Variants in VGLL4 observed in about 807,000 individuals in gnomAD.
VGLL4 encodes transcription cofactor vestigial-like protein 4.
In VGLL4, 7 loss-of-function variants were observed where a neutral mutation model predicts 21.0. The observed-to-expected ratio is 0.33, with a 90% confidence interval of 0.19 to 0.63. VGLL4 has a LOEUF of 0.63. VGLL4 is among the 20% of genes least tolerant of loss of function. The pLI is 0.78. For synonymous variants in VGLL4, 222 were observed against 173.2 expected (o/e 1.28, Z -2.21); for missense variants, 394 against 425.7 (o/e 0.93, Z 0.66).
chr3:11,593,305 A>G (rs983554769), intron 2 of VGLL4, among the ~76,000 whole-genome samples: 1 of 152,180 alleles, frequency 6.6e-6, no homozygotes, highest in African/African-American at 2.4e-5. Context: ...ACCAAAAACT[A>G]CAGATACTGC....
intron 1 of VGLL4, among the ~76,000 whole-genome samples, chr3:11,712,870 C>T (rs1202161188): frequency 2.0e-5 from 3 of 152,128 alleles, no homozygotes; most frequent in African/African-American, 4.8e-5. Flanking sequence ...GTCAGGAACA[C>T]GCAAACCATG....
At chr3:11,671,201 A>C in intron 2 of VGLL4, 2 of 1,531,062 alleles carry the variant, frequency 1.3e-6, no homozygotes, top group Non-Finnish European at 1.8e-6. Flanking sequence ...TTTGCAAATT[A>C]ATTAATTTCA....
rs1039871067 is a variant in VGLL4, at chr3:11,568,809, A to T, written c.273-3790T>A. ...GACTGTGCCCGAGAGAGCCCACGGC[A>T]TCCCCGCGAACACCCAAAGGACTCT... On this transcript the variant is annotated intron_variant, in intron 2 of 4. Coordinates refer to ENST00000430365, the MANE Select transcript of VGLL4 (RefSeq NM_001128219.3). The surrounding 1 kb of genome is among the most constrained non-coding windows in gnomAD (Gnocchi z 5.9). 8.4e-6 allele frequency: 12 copies of T among 1,432,664 alleles called. No individual in the cohort carries two copies. Among genetic ancestry groups the T allele is most frequent in the Non-Finnish European group, 1.1e-5 (12 of 1,097,222 alleles). The allele number at this position is 1,432,664 out of a possible 1,614,324, so 88.7% of individuals were successfully genotyped here.
intron 2 of VGLL4, among the ~76,000 whole-genome samples, chr3:11,597,952 G>GGAATTTTGA (rs1056295570): frequency 6.6e-6 from 1 of 152,144 alleles, no homozygotes; most frequent in African/African-American, 2.4e-5. Flanking sequence ...AAATTCTGAA[G>GGAATTTTGA]AAATCACTAA....
In VGLL4 at chr3:11,701,172, G is replaced by A. The variant is rs114244398; in HGVS notation, c.64+1799C>T. 6.2e-3 allele frequency among the ~76,000 whole-genome samples: 936 copies of A among 152,190 alleles called. 6 individuals carry two copies. Among genetic ancestry groups the A allele is most frequent in the African/African-American group, 0.022 (895 of 41,518 alleles). ...TAGTATGAGGTGTTTGGGTCATGGG[G>A]GTGGATCCCTCATGAATGGCACGGT... On this transcript the variant is annotated intron_variant, in intron 2 of 5. Coordinates refer to the VGLL4 transcript ENST00000273038.
intron 1 of VGLL4, among the ~76,000 whole-genome samples, chr3:11,704,439 C>G (rs541695282): frequency 8.0e-5 from 12 of 149,630 alleles, no homozygotes; most frequent in Admixed American, 8.0e-4. Context: ...AAACATAGAT[C>G]CCTGATCATG....
chr3:11,667,340 T>C (rs17035067), intron 2 of VGLL4, among the ~76,000 whole-genome samples: 1 of 152,262 alleles, frequency 6.6e-6, no homozygotes, highest in Non-Finnish European at 1.5e-5. Flanking sequence ...TCTGTCCTTA[T>C]CTTTCCTTCT....
At chr3:11,562,428 G>A (rs753012644) in intron 3 of VGLL4, among the ~76,000 whole-genome samples, 20 of 152,078 alleles carry the variant, frequency 1.3e-4, no homozygotes, top group Non-Finnish European at 2.4e-4. Flanking sequence ...CACCCCACAG[G>A]GCTGCAGCAT....
At chr3:11,711,452 T>G in intron 1 of VGLL4, among the ~76,000 whole-genome samples, 1 of 151,630 alleles carries the variant, frequency 6.6e-6, no homozygotes, top group African/African-American at 2.4e-5. Context: ...TGGTCCCAGC[T>G]ACTCGGGAGG....
At chr3:11,651,618 C>A (rs2075873790) in intron 2 of VGLL4, among the ~76,000 whole-genome samples, 1 of 151,710 alleles carries the variant, frequency 6.6e-6, no homozygotes, top group Admixed American at 6.6e-5. Flanking sequence ...CTGTCCCCTA[C>A]CATATTATAA....
At chr3:11,624,544 G>C (rs2075318877) in intron 1 of VGLL4, among the ~76,000 whole-genome samples, 1 of 151,634 alleles carries the variant, frequency 6.6e-6, no homozygotes, top group Admixed American at 6.6e-5. Flanking sequence ...TTTAATGTTT[G>C]CCTCTTGAGA....
At chr3:11,576,696 C>A (rs2074058537) in intron 2 of VGLL4, among the ~76,000 whole-genome samples, 1 of 152,212 alleles carries the variant, frequency 6.6e-6, no homozygotes, top group African/African-American at 2.4e-5. Flanking sequence ...CCCAGACGTC[C>A]TGTTCTCCCT....
At chr3:11,703,109 T>A (rs1163015378) in intron 1 of VGLL4, 2 of 1,453,500 alleles carry the variant, frequency 1.4e-6, no homozygotes, top group Admixed American at 2.1e-5. Context: ...ACTCTTAGAA[T>A]CCTAGTCATT....
In VGLL4 at chr3:11,654,418, A is replaced by T. The variant is rs79542664; in HGVS notation, c.64+48553T>A. ...CTCCTTGGCTCCTCTAAACTCACGCAAAGAGCAGCAGAGCTGGGACCAGAA... is the reference window on the plus strand; with the variant it reads ...CTCCTTGGCTCCTCTAAACTCACGCTAAGAGCAGCAGAGCTGGGACCAGAA... On this transcript the variant is annotated intron_variant, in intron 2 of 5. Coordinates refer to the VGLL4 transcript ENST00000273038. 5.8e-3 allele frequency among the ~76,000 whole-genome samples: 887 copies of T among 152,314 alleles called. 24 individuals carry two copies. The East Asian group carries it at 0.067, about 11-fold the overall frequency.
intron 2 of VGLL4, among the ~76,000 whole-genome samples, chr3:11,598,910 C>A (rs1419236700): frequency 6.6e-6 from 1 of 152,172 alleles, no homozygotes; most frequent in African/African-American, 2.4e-5. Context: ...AGCACAAAAA[C>A]CATTTTGTAA....
chr3:11,611,143 G>C (rs2075053603), intron 1 of VGLL4, among the ~76,000 whole-genome samples: 1 of 151,858 alleles, frequency 6.6e-6, no homozygotes, highest in African/African-American at 2.4e-5. Flanking sequence ...AGAGGGGGAG[G>C]GGGCGGGAGG....
intron 2 of VGLL4, chr3:11,671,354 A>C (rs1438315099): frequency 8.4e-7 from 1 of 1,197,470 alleles, no homozygotes; most frequent in Non-Finnish European, 1.2e-6. Context: ...TTCCGCAGCG[A>C]GGACTACGAT....
rs1029754778 is a variant in VGLL4, at chr3:11,558,276, G to C, written c.*280C>G. 4 of 530,418 alleles carry C rather than the reference G, an allele frequency of 7.5e-6. No homozygotes were observed. The highest frequency in any genetic ancestry group is 2.8e-5 in the South Asian group (1 of 35,416). The allele number at this position is 530,418 out of a possible 1,614,324, so 32.9% of individuals were successfully genotyped here. On this transcript the variant is annotated 3_prime_UTR_variant, in exon 5 of 5. Coordinates refer to ENST00000430365, the MANE Select transcript of VGLL4 (RefSeq NM_001128219.3). ...CTGGCCCCGTCGGGGCAGCAGACCT[G>C]CATCAGAGGTTTCTTTGGTAACTGA...
chr3:11,586,608 G>A (rs1481774441), intron 2 of VGLL4, among the ~76,000 whole-genome samples: 1 of 152,156 alleles, frequency 6.6e-6, no homozygotes, highest in African/African-American at 2.4e-5. Context: ...ATTGTATTAG[G>A]TATAAGTAAG....
Sources: gnomAD v4.1 joint callset for allele counts (sites outside exome capture counted in the v4.1 genomes callset) on GRCh38, gnomAD v4.1.1 for gene constraint, Gnocchi (gnomAD v3.1) non-coding constraint, MANE v1.5 for transcripts, NCBI Gene and HGNC (gene_info 2026-07-23, HGNC 2026-07-21) for gene names.